Variants in RAC1 observed in about 807,000 individuals in gnomAD.
RAC1 encodes the protein Rac family small GTPase 1.
In RAC1, 2 loss-of-function variants were observed where a neutral mutation model predicts 25.2. The ratio of observed to expected loss-of-function variants is 0.08; its 90% CI spans 0.03 to 0.25. RAC1 has a LOEUF of 0.25. RAC1 is among the 10% of genes least tolerant of loss of function. The pLI, the probability that RAC1 is intolerant of heterozygous loss-of-function variation, is 1.00. For missense variants in RAC1, 50 were observed against 235.7 expected (o/e 0.21, Z 5.16); for synonymous variants, 88 against 94.0 (o/e 0.94, Z 0.37).
chr7:6,394,697 T>A (rs1222568850), intron 3 of RAC1, among the ~76,000 whole-genome samples: 1 of 150,180 alleles, frequency 6.7e-6, no homozygotes, highest in Non-Finnish European at 1.5e-5. Flanking sequence ...TGTTGTTGTT[T>A]GAGACAGAGT....
At chr7:6,382,500 T>C (rs1782796725) in intron 1 of RAC1, among the ~76,000 whole-genome samples, 1 of 152,150 alleles carries the variant, frequency 6.6e-6, no homozygotes, top group African/African-American at 2.4e-5. Flanking sequence ...TGATTGTGCT[T>C]TTAAGTTTTG....
intron 1 of RAC1, among the ~76,000 whole-genome samples, chr7:6,386,689 C>G (rs764941921): frequency 1.3e-5 from 2 of 149,378 alleles, no homozygotes; most frequent in African/African-American, 2.5e-5. Context: ...GAGGCTGAGG[C>G]AGGAGAATCG....
At chr7:6,378,720 C>T (rs190172580) in intron 1 of RAC1, among the ~76,000 whole-genome samples, 1 of 151,966 alleles carries the variant, frequency 6.6e-6, no homozygotes, top group Admixed American at 6.6e-5. Context: ...TTTCCTCCAC[C>T]TTACTGCTGC....
intron 3 of RAC1, among the ~76,000 whole-genome samples, chr7:6,395,968 G>T (rs1783225715): frequency 6.6e-6 from 1 of 152,232 alleles, no homozygotes; most frequent in Non-Finnish European, 1.5e-5. Context: ...ATCTGTTGTG[G>T]ATGGTTCCAC....
intron 1 of RAC1, among the ~76,000 whole-genome samples, chr7:6,380,537 C>T (rs1020170143): frequency 2.6e-5 from 4 of 152,186 alleles, no homozygotes; most frequent in African/African-American, 9.7e-5. Flanking sequence ...TACCTTAGTA[C>T]TGCCTACTTT....
At chr7:6,382,238 A>C (rs1359453908) in intron 1 of RAC1, among the ~76,000 whole-genome samples, 1 of 151,884 alleles carries the variant, frequency 6.6e-6, no homozygotes. Context: ...GAAGTGATCC[A>C]CCCGCCTTGG....
At chr7:6,391,629 A>G (rs764683280) in intron 2 of RAC1, 4 of 369,798 alleles carry the variant, frequency 1.1e-5, no homozygotes, top group Admixed American at 4.3e-5. Flanking sequence ...TTCTGGGGAT[A>G]AAAGTCTTAA....
At position 6,402,924 on chromosome 7, in the gene RAC1, T is replaced by C. The variant is rs1246614964; in HGVS notation, c.*478T>C. On this transcript the variant is annotated 3_prime_UTR_variant, in exon 6 of 6. Coordinates refer to ENST00000348035, the MANE Select transcript of RAC1 (RefSeq NM_006908.5). Reference sequence around the variant, plus strand: ...GCGTAAAGCAGAACAGCCTCCCGAATGAAGCGTTGCCATTGAACTCACCAG... The same window carrying C: ...GCGTAAAGCAGAACAGCCTCCCGAACGAAGCGTTGCCATTGAACTCACCAG... The C allele has an allele frequency of 1.6e-5, 3 of 190,874 alleles. No homozygotes were observed. Among genetic ancestry groups the C allele is most frequent in the Non-Finnish European group, 3.3e-5 (3 of 90,944 alleles). 11.8% of individuals were successfully genotyped at this position (190,874 alleles called of 1,614,324 possible). A position where few individuals can be genotyped will look rare whatever the true frequency, so the allele number is the denominator to read the frequency against.
chr7:6,387,340 G>T, intron 2 of RAC1, 57 bp downstream of exon 2: 2 of 1,274,176 alleles, frequency 1.6e-6, no homozygotes, highest in Non-Finnish European at 1.1e-6. Context: ...ACATTTCTTT[G>T]ACCATTTGTT....
intron 1 of RAC1, among the ~76,000 whole-genome samples, chr7:6,376,672 GTTTT>G (rs71008385): frequency 1.0e-5 from 1 of 99,956 alleles, no homozygotes. Context: ...CAGCTAATTT[GTTTT>G]TTTTTTTTTT....
chr7:6,377,468 C>T (rs1431348036), intron 1 of RAC1, among the ~76,000 whole-genome samples: 1 of 151,934 alleles, frequency 6.6e-6, no homozygotes, highest in African/African-American at 2.4e-5. Context: ...GACACATGTG[C>T]CTGTAGTCCC....
In RAC1 at chr7:6,402,431, A is replaced by G. The variant is rs780648777; in HGVS notation, c.564A>G (p.Lys188=). ...CPPPVKKRKR[K]CLLL is the part of the protein sequence containing the mutation. ...CTCCCGTGAAGAAGAGGAAGAGAAA[A>G]TGCCTGCTGTTGTAAATGTCTCAGC... Residue 188 remains lysine, a synonymous_variant, in exon 6 of 6, where the codon AAA becomes AAG. Coordinates refer to ENST00000348035, the MANE Select transcript of RAC1 (RefSeq NM_006908.5). The G allele has an allele frequency of 2.0e-5, 32 of 1,566,954 alleles. No individual in the cohort carries two copies. In the South Asian group the frequency reaches 3.1e-4, roughly 15 times the overall value.
rs1397360010 is a variant in RAC1, at chr7:6,402,530, A to AC, written c.*84_*85insC. On this transcript the variant is annotated 3_prime_UTR_variant, in exon 6 of 6. Coordinates refer to ENST00000348035, the MANE Select transcript of RAC1 (RefSeq NM_006908.5). ...AAAAAAACAAAAAAAAAAAACAAAAAAAAAAAACAACGGTGGAGCCTTCGC... is the reference window on the plus strand; with the variant it reads ...AAAAAAACAAAAAAAAAAAACAAAAACAAAAAAACAACGGTGGAGCCTTCGC... 1.0e-5 allele frequency: 12 copies of AC among 1,143,992 alleles called. No individual in the cohort carries two copies. The African/African-American group carries it at 1.3e-4, about 13-fold the overall frequency. The allele number at this position is 1,143,992 out of a possible 1,614,324, so 70.9% of individuals were successfully genotyped here.
rs913897124 is a variant in RAC1, at chr7:6,403,888, G to C, written c.*1442G>C. The C allele has an allele frequency of 1.3e-5, 3 of 224,182 alleles. No homozygotes were observed. The highest frequency in any genetic ancestry group is 6.7e-5 in the African/African-American group (3 of 44,836). 13.9% of individuals were successfully genotyped at this position (224,182 alleles called of 1,614,324 possible). On this transcript the variant is annotated 3_prime_UTR_variant, in exon 6 of 6. Coordinates refer to ENST00000348035, the MANE Select transcript of RAC1 (RefSeq NM_006908.5). ...TTAAATTGACAGTTGCAGAATTGTG[G>C]AGTGTTTTTACATTGATCTTTTGCT...
chr7:6,378,716 C>T (rs1341804777), intron 1 of RAC1, among the ~76,000 whole-genome samples: 5 of 151,696 alleles, frequency 3.3e-5, no homozygotes, highest in Admixed American at 6.6e-5. Flanking sequence ...TTTTTTTCCT[C>T]CACCTTACTG....
chr7:6,383,401 T>C (rs1248456158), intron 1 of RAC1, among the ~76,000 whole-genome samples: 4 of 149,828 alleles, frequency 2.7e-5, no homozygotes, highest in African/African-American at 1.0e-4. Flanking sequence ...ATTTTATCTT[T>C]TGATTGCACT....
chr7:6,376,638 A>T (rs1583255417), intron 1 of RAC1, among the ~76,000 whole-genome samples: 1 of 141,222 alleles, frequency 7.1e-6, no homozygotes, highest in South Asian at 2.2e-4. Context: ...AGTAGCTGGG[A>T]TTACAGGCGC....
chr7:6,383,154 C>T lies in RAC1; in HGVS notation c.36-4058C>T, dbSNP rs1024275941. Among the ~76,000 whole-genome samples the T allele has an allele frequency of 3.3e-5, 5 of 152,102 alleles. No homozygotes were observed. The South Asian group carries it at 8.3e-4, about 25-fold the overall frequency. On this transcript the variant is annotated intron_variant, in intron 1 of 5. Coordinates refer to ENST00000348035, the MANE Select transcript of RAC1 (RefSeq NM_006908.5). ...GAAATTCCAAAGAAGTAGTAACTACCAGAAATTCTCCAGCAGTATCAGTCA... is the reference window on the plus strand; with the variant it reads ...GAAATTCCAAAGAAGTAGTAACTACTAGAAATTCTCCAGCAGTATCAGTCA...
In RAC1 at chr7:6,401,852, C is replaced by G. The variant is rs1783413149; in HGVS notation, c.289-16C>G. 1.9e-6 allele frequency: 3 copies of G among 1,607,508 alleles called. No homozygotes were observed. The highest frequency in any genetic ancestry group is 1.7e-6 in the Non-Finnish European group (2 of 1,176,440). ...AAAGGAGCGTGTCACAACCTCTGTT[C>G]CTTCTTCACATCTAGTGGTATCCTG... is the stretch of plus-strand genomic sequence containing the variant. On this transcript the variant is annotated splice_polypyrimidine_tract_variant and intron_variant, in intron 4 of 5. Coordinates refer to ENST00000348035, the MANE Select transcript of RAC1 (RefSeq NM_006908.5).
Sources: allele counts gnomAD v4.1 joint callset (sites outside exome capture counted in the v4.1 genomes callset), GRCh38; gene constraint gnomAD v4.1.1; transcripts MANE v1.5; gene names NCBI Gene and HGNC (gene_info 2026-07-23, HGNC 2026-07-21).